Variants in USP9X observed in about 807,000 individuals in gnomAD.
The protein encoded by USP9X is ubiquitin carboxyl-terminal hydrolase 9X.
Under a neutral mutation model 190.3 loss-of-function variants are expected in USP9X, and 7 were observed. The observed-to-expected ratio is 0.04, with a 90% CI of 0.02 to 0.07. The LOEUF is 0.07. Ranked by LOEUF, USP9X falls within the 10% of genes least tolerant of loss-of-function variation. The pLI, the probability that USP9X is intolerant of heterozygous loss-of-function variation, is 1.00. For missense variants in USP9X, 1,010 were observed against 1,916.9 expected, an observed-to-expected ratio of 0.53 and a Z score of 8.83; for synonymous variants, 645 against 659.5, an observed-to-expected ratio of 0.98 and a Z score of 0.34.
chrX:41,176,037 T>G (rs1334725604), intron 21 of USP9X, among the ~76,000 whole-genome samples: 1 of 111,400 alleles, frequency 9.0e-6, no homozygotes, highest in Non-Finnish European at 1.9e-5. Flanking sequence ...ATTACAGGCG[T>G]GAGCCACCAT....
intron 1 of USP9X, among the ~76,000 whole-genome samples, chrX:41,097,133 C>T (rs759571567): frequency 8.9e-6 from 1 of 111,874 alleles, no homozygotes; most frequent in South Asian, 3.7e-4. Context: ...GGACCATAGA[C>T]TTTGTAGCCA....
intron 4 of USP9X, among the ~76,000 whole-genome samples, chrX:41,133,373 G>T (rs2062341337): frequency 9.0e-6 from 1 of 111,104 alleles, no homozygotes; most frequent in Non-Finnish European, 1.9e-5. Context: ...ATTTTTATGG[G>T]TATATAGTAG....
chrX:41,133,086 A>C (rs2062338215), intron 4 of USP9X, among the ~76,000 whole-genome samples: 2 of 112,019 alleles, frequency 1.8e-5, no homozygotes, highest in African/African-American at 6.5e-5. Flanking sequence ...ATCACAATTG[A>C]AACTGATTAT....
intron 32 of USP9X, among the ~76,000 whole-genome samples, chrX:41,206,522 C>T (rs2063097999): frequency 9.0e-6 from 1 of 111,002 alleles, no homozygotes; most frequent in Admixed American, 9.6e-5. Context: ...AATTTTCCCA[C>T]AGTCTGAATT....
At chrX:41,142,300 T>G (rs944862475) in intron 9 of USP9X, among the ~76,000 whole-genome samples, 4 of 111,545 alleles carry the variant, frequency 3.6e-5, no homozygotes, top group Middle Eastern at 4.6e-3. Context: ...ATTAAGTGTT[T>G]AGAAACTTTC....
At chrX:41,206,768 TA>T (rs1486150309) in intron 32 of USP9X, among the ~76,000 whole-genome samples, 1 of 109,649 alleles carries the variant, frequency 9.1e-6, no homozygotes, top group African/African-American at 3.3e-5. Context: ...ATTATTATTA[TA>T]TATATACAAT....
chrX:41,154,954 G>A (rs758725961), intron 14 of USP9X, among the ~76,000 whole-genome samples: 8 of 111,612 alleles, frequency 7.2e-5, no homozygotes, highest in East Asian at 5.5e-4. Context: ...TTTTTACAAC[G>A]TTAAATCACT....
intron 9 of USP9X, among the ~76,000 whole-genome samples, chrX:41,143,001 G>A (rs1414599318): frequency 9.0e-6 from 1 of 111,581 alleles, no homozygotes; most frequent in African/African-American, 3.3e-5. Context: ...AATTGGTCCT[G>A]TACTCACCCT....
At chrX:41,119,620 A>G (rs2062175202) in intron 1 of USP9X, among the ~76,000 whole-genome samples, 1 of 112,076 alleles carries the variant, frequency 8.9e-6, no homozygotes, top group Admixed American at 9.4e-5. Context: ...TGAAGTAGAC[A>G]AGAATAAAGT....
In USP9X at chrX:41,212,695, A is replaced by AT. The variant is rs1400377839; in HGVS notation, c.5190-1872dup. Among the ~76,000 whole-genome samples, 3 of 111,444 alleles carry AT rather than the reference A, an allele frequency of 2.7e-5. 1 individual carries two copies. Among genetic ancestry groups the AT allele is most frequent in the Admixed American group, 1.9e-4 (2 of 10,511 alleles). ...TTTTTCACCAAAATGTCACAGTAAG[A>AT]TAGTATTTTCTACAATCCAAACTGT... is the stretch of plus-strand genomic sequence containing the variant. On this transcript the variant is annotated intron_variant, in intron 33 of 44. Transcript: ENST00000378308.
intron 18 of USP9X, 159 bp downstream of exon 18, chrX:41,168,377 C>T (rs780519401): frequency 1.0e-4 from 44 of 428,505 alleles, no homozygotes; most frequent in Non-Finnish European, 1.6e-4. Context: ...ATAACCTCCC[C>T]CACTCTCCCA....
intron 21 of USP9X, among the ~76,000 whole-genome samples, chrX:41,172,810 C>T (rs1259371978): frequency 3.6e-5 from 4 of 111,558 alleles, no homozygotes; most frequent in Non-Finnish European, 7.5e-5. Context: ...GTATAGAATC[C>T]TAGGTTTGAA....
chrX:41,175,012 A>ACTT (rs1468981897), intron 21 of USP9X, among the ~76,000 whole-genome samples: 1 of 111,523 alleles, frequency 9.0e-6, no homozygotes, highest in African/African-American at 3.3e-5. Flanking sequence ...GTGCAGAGGT[A>ACTT]CTTTGAAAAT....
intron 16 of USP9X, among the ~76,000 whole-genome samples, chrX:41,166,600 G>A (rs2062680550): frequency 8.9e-6 from 1 of 111,991 alleles, no homozygotes; most frequent in Non-Finnish European, 1.9e-5. Context: ...CTTGTGTTTA[G>A]TATAGATTAT....
intron 14 of USP9X, among the ~76,000 whole-genome samples, chrX:41,159,387 G>T (rs1283386368): frequency 1.8e-5 from 2 of 111,335 alleles, no homozygotes; most frequent in African/African-American, 6.5e-5. Context: ...ATTAATCGTA[G>T]AATTTACCAT....
At chrX:41,231,757 C>T (rs2063361923) in intron 44 of USP9X, among the ~76,000 whole-genome samples, 1 of 109,290 alleles carries the variant, frequency 9.1e-6, no homozygotes, top group African/African-American at 3.3e-5. Flanking sequence ...AAAGTTAAGC[C>T]TAAAATCTTG....
At chrX:41,222,606 T>C (rs960660489) in intron 38 of USP9X, among the ~76,000 whole-genome samples, 1 of 111,449 alleles carries the variant, frequency 9.0e-6, no homozygotes, top group Non-Finnish European at 1.9e-5. Flanking sequence ...GTTAGTCCCT[T>C]TAGACTCTCC....
chrX:41,221,168 A>G (rs1251693593), intron 38 of USP9X, among the ~76,000 whole-genome samples: 4 of 109,385 alleles, frequency 3.7e-5, no homozygotes, highest in Non-Finnish European at 7.6e-5. Context: ...AGGCTGAGGC[A>G]GAAGAATCGC....
intron 1 of USP9X, among the ~76,000 whole-genome samples, chrX:41,116,821 A>C (rs937726915): frequency 9.0e-6 from 1 of 111,692 alleles, no homozygotes; most frequent in South Asian, 3.7e-4. Context: ...AAATACCTGG[A>C]AAAAGAATGA....
Sources: gnomAD v4.1 joint callset for allele counts (sites outside exome capture counted in the v4.1 genomes callset) on GRCh38, gnomAD v4.1.1 for gene constraint, MANE v1.5 for transcripts, NCBI Gene and HGNC (gene_info 2026-07-23, HGNC 2026-07-21) for gene names.